Variants in DNAH14 observed in about 807,000 individuals in gnomAD.
DNAH14 encodes the protein axonemal beta dynein heavy chain 14.
A neutral mutation model predicts 520.9 loss-of-function variants in DNAH14; 478 were observed. The ratio of observed to expected loss-of-function variants is 0.92; its 90% CI spans 0.85 to 0.99. The LOEUF (loss-of-function observed/expected upper bound fraction) is 0.99, where lower values mean the gene tolerates loss of function less well. DNAH14 is among the 50% of genes least tolerant of loss of function. The pLI is 0.00. For synonymous variants in DNAH14, 1,581 were observed against 1,757.2 expected, an observed-to-expected ratio of 0.90 and a Z score of 2.51; for missense variants, 4,831 against 5,234.5, an observed-to-expected ratio of 0.92 and a Z score of 2.38.
At chr1:225,182,294 T>C (rs1452355801) in intron 36 of DNAH14, among the ~76,000 whole-genome samples, 4 of 152,158 alleles carry the variant, frequency 2.6e-5, no homozygotes, top group Non-Finnish European at 5.9e-5. Flanking sequence ...AGGAAAAGTC[T>C]TGGAAAAATG....
chr1:224,966,985 T>A (rs181643358), intron 5 of DNAH14, among the ~76,000 whole-genome samples: 41 of 152,350 alleles, frequency 2.7e-4, no homozygotes, highest in South Asian at 2.5e-3. Flanking sequence ...TATTACTCAT[T>A]AAATATTTAT....
chr1:225,335,593 ATATACGCATACGTATATGTGTATATACG>A (rs1398549964), intron 66 of DNAH14, among the ~76,000 whole-genome samples: 3 of 148,988 alleles, frequency 2.0e-5, no homozygotes, highest in Non-Finnish European at 3.0e-5. Context: ...GCATATATGT[ATATACGCATACGTATATGTGTATATACG>A]CATATATACA....
intron 8 of DNAH14, among the ~76,000 whole-genome samples, chr1:224,980,483 A>T (rs531548218): frequency 4.6e-5 from 7 of 152,092 alleles, no homozygotes; most frequent in African/African-American, 1.4e-4. Flanking sequence ...TGTCACATCA[A>T]TTTCTAAGGT....
In DNAH14 at chr1:225,337,366, C is replaced by T. The variant is rs1558447374; in HGVS notation, c.10181C>T (p.Pro3394Leu). The change falls in exon 67 of 86, where the codon CCA (proline) becomes CTA (leucine). Residue 3394 changes from proline to leucine, a missense_variant. By Grantham distance (98) the Pro-to-Leu change is moderately conservative. Coordinates refer to ENST00000682510, the MANE Select transcript of DNAH14 (RefSeq NM_001367479.1). Reference sequence around the variant, plus strand: ...CAGCAGTGGCCACTGCTGATTGACCCACATAGGCAAGCTCACAAATGGATC... The same window carrying T: ...CAGCAGTGGCCACTGCTGATTGACCTACATAGGCAAGCTCACAAATGGATC... Reference protein sequence around the residue: ...NGQQWPLLIDPHRQAHKWIRQ... With the variant: ...NGQQWPLLIDLHRQAHKWIRQ... 6.4e-7 allele frequency: 1 copy of T among 1,551,620 alleles called. No homozygotes were observed. Among genetic ancestry groups the T allele is most frequent in the East Asian group, 2.4e-5 (1 of 40,910 alleles).
chr1:225,052,606 G>C (rs1351748693), intron 17 of DNAH14, among the ~76,000 whole-genome samples: 2 of 152,138 alleles, frequency 1.3e-5, no homozygotes, highest in African/African-American at 4.8e-5. Context: ...GTCTAATCTG[G>C]AAGAAAATGC....
intron 21 of DNAH14, among the ~76,000 whole-genome samples, chr1:225,091,503 A>G (rs888530424): frequency 1.3e-5 from 2 of 152,188 alleles, no homozygotes; most frequent in African/African-American, 4.8e-5. Flanking sequence ...GCAAAGGAGA[A>G]ATAAGATCAT....
intron 43 of DNAH14, among the ~76,000 whole-genome samples, chr1:225,245,311 G>A (rs1461290082): frequency 3.3e-5 from 5 of 152,128 alleles, no homozygotes; most frequent in Non-Finnish European, 7.4e-5. Flanking sequence ...TGAGAAGAAT[G>A]TATATTCTGT....
At chr1:225,244,658 T>G (rs2092170616) in intron 43 of DNAH14, among the ~76,000 whole-genome samples, 1 of 152,212 alleles carries the variant, frequency 6.6e-6, no homozygotes, top group Admixed American at 6.5e-5. Flanking sequence ...TATATTAATC[T>G]CTGATGGTAG....
intron 61 of DNAH14, among the ~76,000 whole-genome samples, chr1:225,320,956 C>T (rs528114206): frequency 1.3e-5 from 2 of 152,162 alleles, no homozygotes; most frequent in Admixed American, 6.5e-5. Flanking sequence ...ATATTCACAT[C>T]GTATTTGTTT....
intron 16 of DNAH14, 23 bp from the exon 17 acceptor site, chr1:225,051,428 C>T: frequency 7.1e-6 from 10 of 1,415,682 alleles, no homozygotes; most frequent in Non-Finnish European, 9.3e-6. Context: ...TTCTGACTAA[C>T]ATCTCAACAT....
At chr1:224,968,637 C>T (rs1309036428) in intron 6 of DNAH14, 122 bp from the exon 7 acceptor site, 1 of 623,558 alleles carries the variant, frequency 1.6e-6, no homozygotes, top group African/African-American at 2.0e-5. Flanking sequence ...ATAGAAAAAG[C>T]TTAATTATAA....
Position 225,338,061 on chromosome 1 carries a change from A to G in DNAH14, c.10312A>G (p.Asn3438Asp). The change falls in exon 68 of 86, where the codon AAT becomes GAT. Residue 3438 changes from asparagine to aspartate, a missense_variant and splice_region_variant. Physicochemically the swap from Asn to Asp is conservative, Grantham distance 23. Transcript: ENST00000682510. The part of the protein sequence containing the change: ...MKTGGSVLLQ[N>D]LLETLAPGLK... ...TATTTTTGTCTATTGGGTTTTTCAG[A>G]ATCTCCTTGAGACATTAGCTCCAGG... The G allele has an allele frequency of 6.6e-7, 1 of 1,512,484 alleles. No individual in the cohort carries two copies. The highest frequency in any genetic ancestry group is 2.5e-5 in the East Asian group (1 of 40,552). 93.7% of individuals were successfully genotyped at this position (1,512,484 alleles called of 1,614,324 possible).
intron 1 of DNAH14, among the ~76,000 whole-genome samples, chr1:224,932,645 T>C (rs1023719884): frequency 6.6e-6 from 1 of 152,180 alleles, no homozygotes; most frequent in East Asian, 1.9e-4. Flanking sequence ...TTCTTCTGCA[T>C]GTGGCTGTCC....
intron 36 of DNAH14, among the ~76,000 whole-genome samples, chr1:225,183,346 G>T (rs1290715433): frequency 6.6e-6 from 1 of 152,232 alleles, no homozygotes; most frequent in Non-Finnish European, 1.5e-5. Flanking sequence ...CCTTGGGCAA[G>T]CCCCAGTGCT....
At position 225,152,024 on chromosome 1, in the gene DNAH14, G is replaced by C; in HGVS notation, c.4960G>C (p.Glu1654Gln). The C allele has an allele frequency of 6.4e-7, 1 of 1,551,648 alleles. No homozygotes were observed. The highest frequency in any genetic ancestry group is 8.7e-7 in the Non-Finnish European group (1 of 1,146,926). Residue 1654 changes from glutamate (E) to glutamine (Q), a missense_variant, in exon 32 of 86, where the codon GAA (glutamate) becomes CAA (glutamine). By Grantham distance (29) the Glu-to-Gln change is conservative. Coordinates refer to ENST00000682510, the MANE Select transcript of DNAH14 (RefSeq NM_001367479.1). Reference sequence around the variant, plus strand: ...TTTTAGGTTTGTACTGGAAGGAAAAGAAATTCGTATCAATATGTCTTGTGC... The same window carrying C: ...TTTTAGGTTTGTACTGGAAGGAAAACAAATTCGTATCAATATGTCTTGTGC... Reference protein sequence around the residue: ...YSARFVLEGKEIRINMSCAVF... With the variant: ...YSARFVLEGKQIRINMSCAVF...
chr1:225,225,835 G>T (rs1167799491), intron 41 of DNAH14, among the ~76,000 whole-genome samples: 1 of 152,094 alleles, frequency 6.6e-6, no homozygotes, highest in Non-Finnish European at 1.5e-5. Context: ...CCAGCACAAT[G>T]CATAAAACCA....
chr1:225,314,167 GCATT>G lies in DNAH14; in HGVS notation c.9241-4415_9241-4412del, dbSNP rs1252261067. Among the ~76,000 whole-genome samples, 142 of 152,300 alleles carry G rather than the reference GCATT, an allele frequency of 9.3e-4. 2 individuals are homozygous for G. In the South Asian group the frequency reaches 0.012, roughly 13 times the overall value. On this transcript the variant is annotated intron_variant, in intron 60 of 85. Transcript: ENST00000682510. ...TTTAGGATAGTTAGCTCTTCTTGCT[GCATT>G]GATTCCTTTACCATTATGTAATGCC...
chr1:225,021,522 A>G (rs1425851326), intron 10 of DNAH14, among the ~76,000 whole-genome samples: 1 of 151,400 alleles, frequency 6.6e-6, no homozygotes, highest in Non-Finnish European at 1.5e-5. Flanking sequence ...AGCCAAATCA[A>G]TGCCATTCAC....
At chr1:224,963,487 CATT>C in intron 4 of DNAH14, among the ~76,000 whole-genome samples, 1 of 152,166 alleles carries the variant, frequency 6.6e-6, no homozygotes, top group South Asian at 2.1e-4. Context: ...ACCACTTTTG[CATT>C]ATGATTTATT....
Sources: gnomAD v4.1 joint callset for allele counts (sites outside exome capture counted in the v4.1 genomes callset) on GRCh38, gnomAD v4.1.1 for gene constraint, MANE v1.5 for transcripts, NCBI Gene and HGNC (gene_info 2026-07-23, HGNC 2026-07-21) for gene names.